Variants in CACNA1E observed in about 807,000 individuals in gnomAD.
CACNA1E encodes voltage-dependent R-type calcium channel subunit alpha-1E.
Under a neutral mutation model 259.2 loss-of-function variants are expected in CACNA1E, and 40 were observed. The ratio of observed to expected loss-of-function variants is 0.15; its 90% CI spans 0.12 to 0.20. The LOEUF (loss-of-function observed/expected upper bound fraction) is 0.20, where lower values mean the gene tolerates loss of function less well. CACNA1E is among the 10% of genes least tolerant of loss of function. The pLI is 1.00. For missense variants in CACNA1E, 1,874 were observed against 3,040.1 expected, an observed-to-expected ratio of 0.62 and a Z score of 9.02; for synonymous variants, 1,104 against 1,138.5, an observed-to-expected ratio of 0.97 and a Z score of 0.61.
intron 14 of CACNA1E, 122 bp downstream of exon 14, chr1:181,720,459 A>T (rs1654318609): frequency 1.9e-6 from 2 of 1,046,920 alleles, no homozygotes; most frequent in East Asian, 5.2e-5. Flanking sequence ...CATGGCCTGA[A>T]TTAACCACTG....
chr1:181,359,183 A>G (rs1331087528), intron 1 of CACNA1E, among the ~76,000 whole-genome samples: 2 of 152,220 alleles, frequency 1.3e-5, no homozygotes, highest in African/African-American at 4.8e-5. Context: ...GTACAATCAT[A>G]TTGATATAAG....
At chr1:181,394,124 G>C (rs1368864245) in intron 1 of CACNA1E, among the ~76,000 whole-genome samples, 1 of 152,254 alleles carries the variant, frequency 6.6e-6, no homozygotes, top group African/African-American at 2.4e-5. Context: ...CCAGGTGTGT[G>C]TGGAAGGTGC....
chr1:181,390,109 G>A (rs1387508988), intron 1 of CACNA1E, among the ~76,000 whole-genome samples: 1 of 152,152 alleles, frequency 6.6e-6, no homozygotes, highest in Non-Finnish European at 1.5e-5. Flanking sequence ...GCTGTTCTTC[G>A]TGACGGTGCC....
At chr1:181,317,803 T>C (rs1034137782) in exon 1 of CACNA1E, 2 of 152,186 alleles carry the variant, frequency 1.3e-5, no homozygotes, top group Admixed American at 6.5e-5. Context: ...TCTCGGGTGG[T>C]GGGCATGTAT....
intron 2 of CACNA1E, among the ~76,000 whole-genome samples, chr1:181,510,924 T>A (rs1054151657): frequency 1.3e-5 from 2 of 152,196 alleles, no homozygotes; most frequent in African/African-American, 4.8e-5. Context: ...TATTTGTGGT[T>A]ATGAACTTCC....
At chr1:181,334,336 A>T (rs1022799120) in intron 1 of CACNA1E, among the ~76,000 whole-genome samples, 11 of 152,090 alleles carry the variant, frequency 7.2e-5, no homozygotes, top group African/African-American at 2.7e-4. Flanking sequence ...ATCTATAATC[A>T]CTTATCCAAG....
chr1:181,677,540 G>C (rs188351770), intron 7 of CACNA1E, among the ~76,000 whole-genome samples: 78 of 152,302 alleles, frequency 5.1e-4, no homozygotes, highest in Non-Finnish European at 9.0e-4. Context: ...TATGTTCATA[G>C]TACACTTGGC....
At chr1:181,660,905 AT>A (rs1647600354) in intron 7 of CACNA1E, among the ~76,000 whole-genome samples, 2 of 152,230 alleles carry the variant, frequency 1.3e-5, no homozygotes, top group South Asian at 4.1e-4. Context: ...TACTTGTTGT[AT>A]GTGACTCACT....
intron 8 of CACNA1E, among the ~76,000 whole-genome samples, chr1:181,713,386 T>A (rs1449025675): frequency 6.6e-6 from 1 of 152,222 alleles, no homozygotes; most frequent in African/African-American, 2.4e-5. Flanking sequence ...AAACCCTTTA[T>A]GTCTGCAGGA....
At chr1:181,576,629 T>G (rs1330796508) in intron 3 of CACNA1E, among the ~76,000 whole-genome samples, 1 of 152,224 alleles carries the variant, frequency 6.6e-6, no homozygotes, top group East Asian at 1.9e-4. Context: ...CCTTTGACTA[T>G]AGAGGAACCC....
chr1:181,344,786 G>A (rs996935366), intron 1 of CACNA1E, among the ~76,000 whole-genome samples: 3 of 152,174 alleles, frequency 2.0e-5, no homozygotes, highest in Admixed American at 6.5e-5. Flanking sequence ...TGAGGCCCCC[G>A]GGCTGGCCAT....
intron 21 of CACNA1E, among the ~76,000 whole-genome samples, chr1:181,735,935 G>T (rs1411353097): frequency 1.3e-5 from 2 of 152,142 alleles, no homozygotes; most frequent in African/African-American, 4.8e-5. Context: ...AGAATCCAGA[G>T]TTTAGATATA....
intron 6 of CACNA1E, among the ~76,000 whole-genome samples, chr1:181,643,128 C>A (rs922004667): frequency 5.3e-5 from 8 of 152,092 alleles, no homozygotes. Context: ...TGGAGAAAGA[C>A]CCTAAAACTT....
intron 22 of CACNA1E, among the ~76,000 whole-genome samples, chr1:181,736,658 C>T (rs766169558): frequency 1.1e-4 from 17 of 152,074 alleles, no homozygotes; most frequent in South Asian, 2.1e-4. Context: ...AGAGTAACAT[C>T]GACAGGAGAA....
intron 2 of CACNA1E, among the ~76,000 whole-genome samples, chr1:181,422,355 A>G (rs1658812087): frequency 6.6e-6 from 1 of 152,174 alleles, no homozygotes; most frequent in Non-Finnish European, 1.5e-5. Context: ...ATGTTCCGTA[A>G]CAGTGGCTAT....
chr1:181,740,120 C>T (rs781725079), intron 25 of CACNA1E, among the ~76,000 whole-genome samples: 2 of 152,160 alleles, frequency 1.3e-5, no homozygotes, highest in Non-Finnish European at 2.9e-5. Flanking sequence ...CAGCCTCTTC[C>T]AGGAGGCACA....
chr1:181,543,152 C>T (rs879542647), intron 3 of CACNA1E, among the ~76,000 whole-genome samples: 5 of 151,932 alleles, frequency 3.3e-5, no homozygotes, highest in Admixed American at 2.6e-4. Context: ...AAGCTTAAAA[C>T]GAGATTGTTG....
chr1:181,621,964 A>T (rs1298168843), intron 6 of CACNA1E, among the ~76,000 whole-genome samples: 1 of 152,164 alleles, frequency 6.6e-6, no homozygotes, highest in Non-Finnish European at 1.5e-5. Flanking sequence ...CAAGGGGCAT[A>T]CAAGACCCTG....
intron 1 of CACNA1E, among the ~76,000 whole-genome samples, chr1:181,383,686 T>C (rs1321091009): frequency 6.6e-6 from 1 of 152,264 alleles, no homozygotes; most frequent in Non-Finnish European, 1.5e-5. Context: ...TAGAATATAC[T>C]GTGGCAGAAA....
Sources: allele counts gnomAD v4.1 joint callset (sites outside exome capture counted in the v4.1 genomes callset), GRCh38; gene constraint gnomAD v4.1.1; transcripts MANE v1.5; gene names NCBI Gene and HGNC (gene_info 2026-07-23, HGNC 2026-07-21).